SLCO1A2: variants seen among roughly 807,000 people sequenced by gnomAD.
The protein encoded by SLCO1A2 is solute carrier organic anion transporter family member 1A2, also known as OATP-1.
A neutral mutation model predicts 69.0 loss-of-function variants in SLCO1A2; 67 were observed. The ratio of observed to expected loss-of-function variants is 0.97; its 90% confidence interval spans 0.80 to 1.19. SLCO1A2 has a LOEUF of 1.19. Ranked by LOEUF, SLCO1A2 falls within the 50% of genes most tolerant of loss-of-function variation. The pLI, the probability that SLCO1A2 is intolerant of heterozygous loss-of-function variation, is 0.00. For synonymous variants in SLCO1A2, 260 were observed against 265.9 expected (o/e 0.98, Z 0.22); for missense variants, 787 against 793.7 (o/e 0.99, Z 0.10).
intron 1 of SLCO1A2, among the ~76,000 whole-genome samples, chr12:21,393,277 C>A (rs1941250926): frequency 6.6e-6 from 1 of 152,074 alleles, no homozygotes; most frequent in Non-Finnish European, 1.5e-5. Context: ...ATGGTTCACA[C>A]TGCACAGTGA....
intron 2 of SLCO1A2, among the ~76,000 whole-genome samples, chr12:21,359,742 G>A (rs1294401434): frequency 7.3e-4 from 96 of 130,824 alleles, no homozygotes; most frequent in Non-Finnish European, 1.2e-3. Flanking sequence ...GCGAGACTCC[G>A]TCTTAAAAAA....
At chr12:21,364,860 A>G (rs1255712219) in intron 2 of SLCO1A2, among the ~76,000 whole-genome samples, 1 of 152,180 alleles carries the variant, frequency 6.6e-6, no homozygotes, top group Non-Finnish European at 1.5e-5. Flanking sequence ...TACCTCTTCA[A>G]GGAGAACTAC....
chr12:21,373,677 T>C (rs1308172648), intron 2 of SLCO1A2: 2 of 701,452 alleles, frequency 2.9e-6, no homozygotes, highest in African/African-American at 1.7e-5. Flanking sequence ...TCAAGAAATA[T>C]ACTCTTGGAA....
intron 4 of SLCO1A2, chr12:21,311,494 T>C (rs187405772): frequency 2.0e-5 from 3 of 151,898 alleles, no homozygotes; most frequent in Admixed American, 2.0e-4. Flanking sequence ...TACTCCTGAT[T>C]TGTGGCCACA....
chr12:21,384,803 TCACTCAGGC>T (rs966997559), intron 1 of SLCO1A2, among the ~76,000 whole-genome samples: 16 of 150,936 alleles, frequency 1.1e-4, no homozygotes, highest in African/African-American at 3.4e-4. Flanking sequence ...TCTCGTTCTG[TCACTCAGGC>T]TGGAGAGCGG....
At chr12:21,270,850 C>T (rs1341682799) in intron 14 of SLCO1A2, among the ~76,000 whole-genome samples, 1 of 151,514 alleles carries the variant, frequency 6.6e-6, no homozygotes, top group Non-Finnish European at 1.5e-5. Context: ...TTTGTGCCTC[C>T]TCTCTTTATT....
intron 2 of SLCO1A2, among the ~76,000 whole-genome samples, chr12:21,360,688 T>G (rs1938777863): frequency 6.6e-6 from 1 of 152,164 alleles, no homozygotes. Flanking sequence ...ACTCCCACCC[T>G]AATACTGCTC....
At chr12:21,385,010 C>T (rs906045950) in intron 1 of SLCO1A2, among the ~76,000 whole-genome samples, 4 of 152,040 alleles carry the variant, frequency 2.6e-5, no homozygotes, top group Admixed American at 2.0e-4. Context: ...CGTCATCCGT[C>T]CGTCTCGGCC....
At chr12:21,339,459 A>T (rs1591861391), upstream of SLCO1A2, among the ~76,000 whole-genome samples, 2 of 152,002 alleles carry the variant, frequency 1.3e-5, no homozygotes, top group Non-Finnish European at 1.5e-5. Flanking sequence ...GCCTGTTTTT[A>T]AACTAGCCGT....
intron 2 of SLCO1A2, among the ~76,000 whole-genome samples, chr12:21,370,242 G>C (rs1159400549): frequency 6.6e-6 from 1 of 151,912 alleles, no homozygotes; most frequent in African/African-American, 2.4e-5. Context: ...CCACCGAAGA[G>C]GTGCAAAGAT....
chr12:21,324,399 T>C (rs1419737007), intron 2 of SLCO1A2, among the ~76,000 whole-genome samples: 1 of 152,222 alleles, frequency 6.6e-6, no homozygotes, highest in Non-Finnish European at 1.5e-5. Context: ...ATTATTTGCA[T>C]AAAGTGCAGC....
At chr12:21,299,124 G>A (rs982328523) in intron 8 of SLCO1A2, among the ~76,000 whole-genome samples, 15 of 152,044 alleles carry the variant, frequency 9.9e-5, no homozygotes, top group African/African-American at 2.4e-4. Context: ...CTCACCATCC[G>A]TCAAATAAAC....
At chr12:21,397,079 A>T (rs1455542403), upstream of SLCO1A2, among the ~76,000 whole-genome samples, 2 of 152,096 alleles carry the variant, frequency 1.3e-5, no homozygotes, top group African/African-American at 4.8e-5. Context: ...CAGACTGGCA[A>T]ATTGGATAAA....
At chr12:21,360,044 A>G (rs1174811851) in intron 2 of SLCO1A2, among the ~76,000 whole-genome samples, 4 of 152,328 alleles carry the variant, frequency 2.6e-5, no homozygotes, top group African/African-American at 7.2e-5. Flanking sequence ...AAAAAGGAAT[A>G]CATGCTATAC....
chr12:21,299,800 G>C (rs1051338629), intron 8 of SLCO1A2, among the ~76,000 whole-genome samples: 3 of 103,650 alleles, frequency 2.9e-5, no homozygotes, highest in Non-Finnish European at 3.5e-5. Flanking sequence ...ACACACACAC[G>C]TATATATATA....
chr12:21,298,937 T>C (rs1185220296), intron 8 of SLCO1A2, among the ~76,000 whole-genome samples: 1 of 152,098 alleles, frequency 6.6e-6, no homozygotes, highest in Non-Finnish European at 1.5e-5. Flanking sequence ...TTAAGAAAAA[T>C]TCTATGCAAA....
upstream of SLCO1A2, among the ~76,000 whole-genome samples, chr12:21,339,663 T>G (rs1953003058): frequency 6.6e-6 from 1 of 151,848 alleles, no homozygotes; most frequent in South Asian, 2.1e-4. Context: ...TTTACAGCAG[T>G]GGAAAGTCAC....
intron 1 of SLCO1A2, among the ~76,000 whole-genome samples, chr12:21,407,391 C>T (rs1425229409): frequency 1.3e-5 from 2 of 152,080 alleles, no homozygotes; most frequent in East Asian, 3.9e-4. Context: ...TGAGCAGAGG[C>T]CAGGTCATGT....
intron 1 of SLCO1A2, among the ~76,000 whole-genome samples, chr12:21,415,570 TG>T (rs1941976153): frequency 6.6e-6 from 1 of 152,120 alleles, no homozygotes; most frequent in Non-Finnish European, 1.5e-5. Context: ...AAATTTAAGA[TG>T]TTTTTCTGTG....
Sources: allele counts gnomAD v4.1 joint callset (sites outside exome capture counted in the v4.1 genomes callset), GRCh38; gene constraint gnomAD v4.1.1; transcripts MANE v1.5; gene names NCBI Gene and HGNC (gene_info 2026-07-23, HGNC 2026-07-21).